The following TSGA10 variants were observed in gnomAD, a reference collection of about 807,000 sequenced individuals.
TSGA10 encodes testis specific 10, also known as testis-specific gene 10 protein.
A neutral mutation model predicts 96.6 loss-of-function variants in TSGA10; 43 were observed. The ratio of observed to expected loss-of-function variants is 0.44; its 90% CI spans 0.35 to 0.57. The LOEUF (loss-of-function observed/expected upper bound fraction) is 0.57. Among genes scored for constraint, TSGA10 ranks in the 20% least tolerant of loss-of-function variants. The pLI is 0.01. For synonymous variants in TSGA10, 229 were observed against 269.9 expected, an observed-to-expected ratio of 0.85 and a Z score of 1.48; for missense variants, 703 against 834.4, an observed-to-expected ratio of 0.84 and a Z score of 1.94.
chr2:99,104,620 G>A (rs960959288), intron 9 of TSGA10, among the ~76,000 whole-genome samples: 2 of 152,002 alleles, frequency 1.3e-5, no homozygotes, highest in Admixed American at 6.6e-5. Flanking sequence ...GACTACAGGC[G>A]CATGCCACCA....
chr2:99,100,599 T>A (rs1466131046), intron 10 of TSGA10, among the ~76,000 whole-genome samples: 1 of 151,784 alleles, frequency 6.6e-6, no homozygotes, highest in Non-Finnish European at 1.5e-5. Flanking sequence ...GGCGGGCAGA[T>A]CACGAGGTCA....
intron 17 of TSGA10, among the ~76,000 whole-genome samples, chr2:99,030,812 T>C (rs933858540): frequency 2.0e-5 from 3 of 152,090 alleles, no homozygotes; most frequent in Admixed American, 2.0e-4. Context: ...TGTACAGAAC[T>C]TGCATGCTGA....
intron 17 of TSGA10, among the ~76,000 whole-genome samples, chr2:99,033,206 A>T (rs539980441): frequency 6.6e-6 from 1 of 152,316 alleles, no homozygotes; most frequent in African/African-American, 2.4e-5. Flanking sequence ...TGTCACCTGA[A>T]CTTAACAACG....
intron 1 of TSGA10, among the ~76,000 whole-genome samples, chr2:99,140,832 C>G (rs1186386977): frequency 2.6e-5 from 4 of 152,032 alleles, no homozygotes; most frequent in African/African-American, 9.7e-5. Flanking sequence ...TGCGGGAGGA[C>G]GCGAAGCAGT....
At position 99,129,989 on chromosome 2, in the gene TSGA10, A is replaced by T. The variant is rs539472516; in HGVS notation, c.-620-2813T>A. On this transcript the variant is annotated intron_variant, in intron 1 of 20. Coordinates refer to ENST00000393483, the MANE Select transcript of TSGA10 (RefSeq NM_025244.4). ...AACTCATCCTTCTTAATGGCTGCAC[A>T]GTATCCATGGTGTATATGTGCCACA... Among the ~76,000 whole-genome samples the T allele has an allele frequency of 5.9e-5, 9 of 152,322 alleles. No individual in the cohort carries two copies. In the East Asian group the frequency reaches 1.7e-3, roughly 29 times the overall value.
intron 7 of TSGA10, among the ~76,000 whole-genome samples, chr2:99,106,893 G>A (rs959620473): frequency 2.6e-5 from 4 of 152,122 alleles, no homozygotes; most frequent in Admixed American, 2.6e-4. Flanking sequence ...CTCATTCAGA[G>A]ACTTCATCCA....
At chr2:99,055,156 A>G (rs2083829282) in intron 16 of TSGA10, among the ~76,000 whole-genome samples, 1 of 152,230 alleles carries the variant, frequency 6.6e-6, no homozygotes, top group Non-Finnish European at 1.5e-5. Flanking sequence ...ATATAGATAT[A>G]CAATGAAATA....
At chr2:99,023,744 T>C (rs1251389599) in intron 17 of TSGA10, among the ~76,000 whole-genome samples, 2 of 152,232 alleles carry the variant, frequency 1.3e-5, no homozygotes, top group African/African-American at 4.8e-5. Context: ...TTCTGTTCCA[T>C]CAACCTCTAT....
chr2:99,135,289 A>G (rs1370186916), intron 1 of TSGA10, among the ~76,000 whole-genome samples: 1 of 152,130 alleles, frequency 6.6e-6, no homozygotes. Flanking sequence ...CCCAGAGAGG[A>G]GGAATCTAGA....
chr2:99,025,273 G>A (rs73965015), intron 17 of TSGA10, among the ~76,000 whole-genome samples: 1 of 152,200 alleles, frequency 6.6e-6, no homozygotes, highest in African/African-American at 2.4e-5. Flanking sequence ...ATTACTTTAT[G>A]GAAGTTTAAA....
intron 16 of TSGA10, among the ~76,000 whole-genome samples, chr2:99,055,592 A>C (rs2083889367): frequency 1.3e-5 from 2 of 152,118 alleles, no homozygotes; most frequent in African/African-American, 4.8e-5. Flanking sequence ...AAACAATACA[A>C]TTTTTTATTT....
intron 9 of TSGA10, 45 bp downstream of exon 9, chr2:99,105,314 G>C: frequency 1.3e-6 from 2 of 1,488,942 alleles, no homozygotes; most frequent in Non-Finnish European, 1.8e-6. Context: ...GAAAGCCATT[G>C]AGTGTTTATA....
chr2:99,044,351 CAAAA>C (rs57316203), intron 16 of TSGA10, among the ~76,000 whole-genome samples: 1 of 98,558 alleles, frequency 1.0e-5, no homozygotes. Context: ...AAATGGAAAG[CAAAA>C]AAAAAAAAAA....
intron 16 of TSGA10, among the ~76,000 whole-genome samples, chr2:99,052,815 C>T (rs1280617664): frequency 6.6e-6 from 1 of 151,518 alleles, no homozygotes; most frequent in Non-Finnish European, 1.5e-5. Context: ...ATGCCTATAA[C>T]CCCAGCACTT....
chr2:99,098,637 G>T (rs2090365646), intron 10 of TSGA10, among the ~76,000 whole-genome samples: 1 of 151,076 alleles, frequency 6.6e-6, no homozygotes. Flanking sequence ...AAAGCAAAAT[G>T]TTGGTCTTTG....
At chr2:99,086,388 G>A (rs987920870) in intron 10 of TSGA10, among the ~76,000 whole-genome samples, 1 of 152,156 alleles carries the variant, frequency 6.6e-6, no homozygotes, top group African/African-American at 2.4e-5. Flanking sequence ...AATCTACTAT[G>A]ACCAAGTGGG....
intron 14 of TSGA10, among the ~76,000 whole-genome samples, chr2:99,069,370 A>G (rs2085645965): frequency 6.6e-6 from 1 of 152,132 alleles, no homozygotes. Flanking sequence ...CAGAAAGCAA[A>G]TCTGTGATCA....
intron 1 of TSGA10, chr2:99,150,534 C>T: frequency 6.2e-7 from 1 of 1,600,580 alleles, no homozygotes; most frequent in Non-Finnish European, 8.5e-7. Context: ...CTGCAAATTA[C>T]TTTCACATTT....
chr2:99,104,248 T>G, intron 9 of TSGA10, 130 bp from the exon 10 acceptor site: 1 of 1,013,028 alleles, frequency 9.9e-7, no homozygotes, highest in South Asian at 1.8e-5. Flanking sequence ...AGGTTAGACC[T>G]GACTGCTGTA....
Sources: gnomAD v4.1 joint callset for allele counts (sites outside exome capture counted in the v4.1 genomes callset) on GRCh38, gnomAD v4.1.1 for gene constraint, MANE v1.5 for transcripts, NCBI Gene and HGNC (gene_info 2026-07-23, HGNC 2026-07-21) for gene names.